GXYLT1: variants seen among roughly 807,000 people sequenced by gnomAD.
GXYLT1 encodes the protein glycosyltransferase 8 domain containing 3.
Under a neutral mutation model 54.0 loss-of-function variants are expected in GXYLT1, and 29 were observed. That is an observed-to-expected ratio of 0.54 (90% CI 0.40 to 0.73). The LOEUF is 0.73. GXYLT1 is among the 30% of genes least tolerant of loss of function. The pLI is 0.00. For missense variants in GXYLT1, 490 were observed against 553.4 expected, an observed-to-expected ratio of 0.89 and a Z score of 1.15; for synonymous variants, 176 against 204.1, an observed-to-expected ratio of 0.86 and a Z score of 1.17.
intron 3 of GXYLT1, among the ~76,000 whole-genome samples, chr12:42,114,446 A>G (rs575354906): frequency 4.6e-5 from 7 of 152,336 alleles, no homozygotes; most frequent in African/African-American, 1.2e-4. Context: ...GATAAAGGGG[A>G]TATCACCACC....
intron 1 of GXYLT1, among the ~76,000 whole-genome samples, chr12:42,134,448 C>A (rs958059921): frequency 2.6e-5 from 4 of 152,136 alleles, no homozygotes; most frequent in Admixed American, 2.6e-4. Context: ...GTATCTAGGA[C>A]TATAAGCATG....
chr12:42,115,753 C>T (rs1158408244), intron 3 of GXYLT1, among the ~76,000 whole-genome samples: 3 of 151,918 alleles, frequency 2.0e-5, no homozygotes, highest in Middle Eastern at 3.2e-3. Flanking sequence ...CTACCAATGA[C>T]TTTCTTCACA....
intron 1 of GXYLT1, among the ~76,000 whole-genome samples, chr12:42,142,800 G>C (rs1362099582): frequency 6.6e-6 from 1 of 152,014 alleles, no homozygotes; most frequent in African/African-American, 2.4e-5. Flanking sequence ...CTGCCCAAAT[G>C]GTTTCTTATG....
intron 4 of GXYLT1, among the ~76,000 whole-genome samples, chr12:42,106,731 A>G (rs946890264): frequency 2.8e-5 from 4 of 145,204 alleles, no homozygotes; most frequent in Non-Finnish European, 6.0e-5. Flanking sequence ...AAGGATAATT[A>G]TTATTATTTT....
intron 7 of GXYLT1, among the ~76,000 whole-genome samples, chr12:42,091,607 T>G (rs536384441): frequency 6.6e-6 from 1 of 152,324 alleles, no homozygotes; most frequent in East Asian, 1.9e-4. Flanking sequence ...TACATTAAAA[T>G]GAACATCAAC....
chr12:42,100,368 T>C (rs1288851676), intron 5 of GXYLT1, among the ~76,000 whole-genome samples: 1 of 152,218 alleles, frequency 6.6e-6, no homozygotes, highest in Non-Finnish European at 1.5e-5. Context: ...TTATGTGTAC[T>C]TAATATATTT....
chr12:42,129,049 A>G (rs1010487021), intron 2 of GXYLT1, among the ~76,000 whole-genome samples: 1 of 152,166 alleles, frequency 6.6e-6, no homozygotes, highest in Non-Finnish European at 1.5e-5. Flanking sequence ...TGGGAAGAGC[A>G]TTTCAAACCT....
Position 42,109,542 on chromosome 12 carries a change from AAGACACTAGGG to A in GXYLT1, c.612+13_612+23del. ...CAAATTTAAAAAAAAAAAAAAAAAA[AAGACACTAGGG>A]GAAAAAACTTACCGGCAAGAACAAT... is the stretch of plus-strand genomic sequence containing the variant. On this transcript the variant is annotated intron_variant, in intron 4 of 7. Transcript: ENST00000398675. 1 of 1,440,090 alleles carries A rather than the reference AAGACACTAGGG, an allele frequency of 6.9e-7. No homozygotes were observed. Among genetic ancestry groups the A allele is most frequent in the Non-Finnish European group, 9.1e-7 (1 of 1,097,390 alleles). The allele number at this position is 1,440,090 out of a possible 1,614,324, so 89.2% of individuals were successfully genotyped here.
At chr12:42,138,544 G>GC (rs1011160638) in intron 1 of GXYLT1, among the ~76,000 whole-genome samples, 1 of 61,054 alleles carries the variant, frequency 1.6e-5, no homozygotes, top group Non-Finnish European at 3.3e-5. Context: ...AAAAAGGGAG[G>GC]GGAAAAAAAC....
rs1385008489 is a variant in GXYLT1, at chr12:42,129,986, T to A, written c.222-135A>T. ...AAATTATAAATCCAAATTGCTATGATAAAGATTTTGGAAAACTGATTTCTC... is the reference window on the plus strand; with the variant it reads ...AAATTATAAATCCAAATTGCTATGAAAAAGATTTTGGAAAACTGATTTCTC... On this transcript the variant is annotated intron_variant, in intron 1 of 7. Coordinates refer to ENST00000398675, the MANE Select transcript of GXYLT1 (RefSeq NM_173601.2). 8 of 585,548 alleles carry A rather than the reference T, an allele frequency of 1.4e-5. No individual in the cohort carries two copies. The East Asian group carries it at 2.1e-4, about 15-fold the overall frequency. The allele number at this position is 585,548 out of a possible 1,614,324, so 36.3% of individuals were successfully genotyped here. A position where few individuals can be genotyped will look rare whatever the true frequency, so the allele number is the denominator to read the frequency against.
chr12:42,113,978 C>T (rs1195547223), intron 3 of GXYLT1, among the ~76,000 whole-genome samples: 1 of 152,120 alleles, frequency 6.6e-6, no homozygotes. Context: ...AAGAAACTCA[C>T]TCAAAACCAC....
At position 42,082,614 on chromosome 12, in the gene GXYLT1, G is replaced by C. The variant is rs1275248000; in HGVS notation, c.*5172C>G. On this transcript the variant is annotated 3_prime_UTR_variant, in exon 8 of 8. Transcript: ENST00000398675. ...CTGCCTCAACTTCCTGTGTAGCTAG[G>C]ACCGCAGGCAAACACCACCACATCT... The C allele has an allele frequency of 6.6e-6, 1 of 152,116 alleles. No homozygotes were observed. The highest frequency in any genetic ancestry group is 6.6e-5 in the Admixed American group (1 of 15,254). The allele number at this position is 152,116 out of a possible 1,614,324, so 9.4% of individuals were successfully genotyped here.
chr12:42,137,414 A>C (rs1367944083), intron 1 of GXYLT1, among the ~76,000 whole-genome samples: 1 of 149,110 alleles, frequency 6.7e-6, no homozygotes, highest in Non-Finnish European at 1.5e-5. Flanking sequence ...AGGCTAAGGC[A>C]GGAGAATCGC....
chr12:42,098,760 C>CATATATATATCTATATATATATAT (rs2065372086), intron 5 of GXYLT1, among the ~76,000 whole-genome samples: 1 of 96,918 alleles, frequency 1.0e-5, no homozygotes, highest in Non-Finnish European at 2.0e-5. Flanking sequence ...AAATTTAAAA[C>CATATATATATCTATATATATATAT]ATATATATAT....
At chr12:42,100,745 T>TTAAGGAAATA (rs2065385220) in intron 5 of GXYLT1, among the ~76,000 whole-genome samples, 1 of 152,044 alleles carries the variant, frequency 6.6e-6, no homozygotes, top group Admixed American at 6.5e-5. Flanking sequence ...ATTGAGTATG[T>TTAAGGAAATA]TAAGGAAATA....
intron 2 of GXYLT1, among the ~76,000 whole-genome samples, chr12:42,128,487 T>C (rs1193703181): frequency 6.6e-6 from 1 of 152,166 alleles, no homozygotes; most frequent in African/African-American, 2.4e-5. Flanking sequence ...CAGATCATCA[T>C]CTGGTCACTC....
chr12:42,115,414 T>G (rs1334127376), intron 3 of GXYLT1, among the ~76,000 whole-genome samples: 1 of 152,214 alleles, frequency 6.6e-6, no homozygotes, highest in Non-Finnish European at 1.5e-5. Flanking sequence ...CTCAAGCTGA[T>G]AAGCAACTTC....
chr12:42,129,801 G>C lies in GXYLT1; in HGVS notation c.272C>G (p.Ser91Cys). ...CYWNPYWMLP[S>C]DVCGMNCFWE... ...AAAGCAGTTCATTCCACAAACATCAGAGGGCAGCATCCAATAGGGATTCCA... is the reference window on the plus strand; with the variant it reads ...AAAGCAGTTCATTCCACAAACATCACAGGGCAGCATCCAATAGGGATTCCA... Residue 91 changes from serine (S) to cysteine (C), a missense_variant, in exon 2 of 8, where the codon TCT becomes TGT. Transcript: ENST00000398675. 6.2e-7 allele frequency: 1 copy of C among 1,613,718 alleles called. No individual in the cohort carries two copies. Among genetic ancestry groups the C allele is most frequent in the Non-Finnish European group, 8.5e-7 (1 of 1,179,812 alleles).
intron 2 of GXYLT1, among the ~76,000 whole-genome samples, chr12:42,127,282 G>C (rs1022715644): frequency 4.6e-5 from 7 of 152,168 alleles, no homozygotes; most frequent in African/African-American, 1.7e-4. Context: ...AAATGTGAGG[G>C]AATCGTTAGT....
Sources: allele counts gnomAD v4.1 joint callset (sites outside exome capture counted in the v4.1 genomes callset), GRCh38; gene constraint gnomAD v4.1.1; transcripts MANE v1.5; gene names NCBI Gene and HGNC (gene_info 2026-07-23, HGNC 2026-07-21).